Variants in KLHDC4 observed in about 807,000 individuals in gnomAD.
KLHDC4 encodes kelch domain containing 4, also known as kelch domain-containing protein 4.
A neutral mutation model predicts 62.4 loss-of-function variants in KLHDC4; 90 were observed. That is an observed-to-expected ratio of 1.44 (90% confidence interval 1.22 to 1.72). KLHDC4 has a LOEUF of 1.72. Among genes scored for constraint, KLHDC4 ranks in the 40% most tolerant of loss-of-function variants. KLHDC4 has a pLI of 0.00. For missense variants in KLHDC4, 1,025 were observed against 699.7 expected, an observed-to-expected ratio of 1.47 and a Z score of -5.25; for synonymous variants, 386 against 284.4, an observed-to-expected ratio of 1.36 and a Z score of -3.59.
intron 7 of KLHDC4, among the ~76,000 whole-genome samples, chr16:87,723,930 G>A (rs745323791): frequency 2.0e-5 from 3 of 152,138 alleles, no homozygotes; most frequent in Non-Finnish European, 4.4e-5. Flanking sequence ...TCCGCCTCCC[G>A]GGTTCAAGTG....
At chr16:87,765,159 A>C in intron 1 of KLHDC4, 1 of 456,088 alleles carries the variant, frequency 2.2e-6, no homozygotes, top group Non-Finnish European at 4.4e-6. Flanking sequence ...CAGCAGCCGC[A>C]GAACACTCAA....
chr16:87,747,282 T>C (rs759184644), intron 5 of KLHDC4, among the ~76,000 whole-genome samples: 3 of 152,160 alleles, frequency 2.0e-5, no homozygotes, highest in Admixed American at 6.5e-5. Flanking sequence ...CACCTGTCAA[T>C]TGTGAACAAG....
intron 8 of KLHDC4, among the ~76,000 whole-genome samples, chr16:87,711,736 C>G (rs1393226646): frequency 2.0e-5 from 3 of 151,444 alleles, no homozygotes; most frequent in African/African-American, 7.4e-5. Context: ...TGGGCAGAAG[C>G]AGCACACACG....
At chr16:87,749,565 A>AAG (rs2043586724) in intron 4 of KLHDC4, among the ~76,000 whole-genome samples, 1 of 151,796 alleles carries the variant, frequency 6.6e-6, no homozygotes. Flanking sequence ...AAAAAAAAAA[A>AAG]AAAAAAGAAA....
chr16:87,709,477 C>T lies in KLHDC4; in HGVS notation c.1235G>A (p.Arg412Gln), dbSNP rs1041443500. 1.9e-5 allele frequency: 30 copies of T among 1,610,972 alleles called. No individual in the cohort carries two copies. Among genetic ancestry groups the T allele is most frequent in the East Asian group, 1.1e-4 (5 of 44,878 alleles). The change falls in exon 10 of 12, where the codon CGG (arginine) becomes CAG (glutamine). Residue 412 changes from arginine to glutamine, a missense_variant. Physicochemically the swap from Arg to Gln is conservative, Grantham distance 43. Coordinates refer to ENST00000270583, the MANE Select transcript of KLHDC4 (RefSeq NM_017566.4). ...LTAPGSAGQP[R>Q]SEDEDSLEEA... ...CTCAAGGCTGTCTTCGTCCTCAGAC[C>T]GGGGCTGCCCCGCCGAGCCTGGCGC...
intron 5 of KLHDC4, among the ~76,000 whole-genome samples, chr16:87,744,388 C>A (rs1430825189): frequency 6.7e-6 from 1 of 150,286 alleles, no homozygotes; most frequent in Admixed American, 6.7e-5. Context: ...GCACTCCAGC[C>A]TGGGCGACGA....
intron 4 of KLHDC4, among the ~76,000 whole-genome samples, chr16:87,749,976 A>G (rs751758152): frequency 6.6e-6 from 1 of 152,162 alleles, no homozygotes; most frequent in South Asian, 2.1e-4. Context: ...ACGGCAAAGC[A>G]CTCCGGCAGC....
chr16:87,711,001 T>C (rs1253856546), intron 9 of KLHDC4: 4 of 533,068 alleles, frequency 7.5e-6, no homozygotes, highest in Middle Eastern at 5.0e-4. Context: ...CCAGGGCAAC[T>C]GGCTTCTGAG....
At chr16:87,751,240 C>A (rs2043878543) in intron 4 of KLHDC4, among the ~76,000 whole-genome samples, 2 of 152,116 alleles carry the variant, frequency 1.3e-5, no homozygotes, top group African/African-American at 4.8e-5. Context: ...CTTTGGGAGG[C>A]CGAGGGAGGT....
chr16:87,717,183 A>G (rs901589952), intron 7 of KLHDC4, among the ~76,000 whole-genome samples: 1 of 152,124 alleles, frequency 6.6e-6, no homozygotes, highest in Non-Finnish European at 1.5e-5. Flanking sequence ...GTGAGCCAAG[A>G]TCATGCCACT....
chr16:87,700,420 T>G (rs2034079409), exon 1 of KLHDC4: 2 of 156,200 alleles, frequency 1.3e-5, no homozygotes, highest in Admixed American at 6.6e-5. Context: ...GGCCAGGGTC[T>G]GCCTCCAGCC....
At chr16:87,725,599 T>C (rs551621998) in intron 7 of KLHDC4, among the ~76,000 whole-genome samples, 1 of 152,340 alleles carries the variant, frequency 6.6e-6, no homozygotes, top group South Asian at 2.1e-4. Flanking sequence ...AGTGAGATAC[T>C]ACTTCATACC....
In KLHDC4 at chr16:87,708,336, C is replaced by A; in HGVS notation, c.*1+14G>T. The A allele has an allele frequency of 6.4e-7, 1 of 1,552,652 alleles. No homozygotes were observed. The highest frequency in any genetic ancestry group is 1.2e-5 in the South Asian group (1 of 86,650). Reference sequence around the variant, plus strand: ...CCCAGCAGCCGCGCCACCCGCCAGCCCGAGCCCGCTCACCTCAGTCCTCCG... The same window carrying A: ...CCCAGCAGCCGCGCCACCCGCCAGCACGAGCCCGCTCACCTCAGTCCTCCG... On this transcript the variant is annotated intron_variant, in intron 11 of 11. Coordinates refer to ENST00000270583, the MANE Select transcript of KLHDC4 (RefSeq NM_017566.4).
At position 87,726,836 on chromosome 16, in the gene KLHDC4, G is replaced by T; in HGVS notation, c.688C>A (p.Pro230Thr). The T allele has an allele frequency of 1.2e-6, 2 of 1,613,006 alleles. No individual in the cohort carries two copies. The highest frequency in any genetic ancestry group is 1.7e-6 in the Non-Finnish European group (2 of 1,179,596). Residue 230 changes from proline to threonine, a missense_variant, in exon 7 of 12, where the codon CCC (proline) becomes ACC (threonine). Transcript: ENST00000270583. Reference sequence around the variant, plus strand: ...ACGGACATCTGGCAGCCTGATCTGGGTGTGGGCCCCGTCCCTGACGGGGAC... The same window carrying T: ...ACGGACATCTGGCAGCCTGATCTGGTTGTGGGCCCCGTCCCTGACGGGGAC... ...KLSPSGTGPT[P>T]RSGCQMSVTP...
downstream of KLHDC4, among the ~76,000 whole-genome samples, chr16:87,704,696 G>T (rs941379648): frequency 1.3e-5 from 2 of 152,020 alleles, no homozygotes; most frequent in African/African-American, 4.8e-5. Flanking sequence ...ATGACATCCT[G>T]CTTGTACCAA....
At chr16:87,731,543 A>G (rs2040373010) in intron 5 of KLHDC4, among the ~76,000 whole-genome samples, 1 of 152,136 alleles carries the variant, frequency 6.6e-6, no homozygotes, top group Admixed American at 6.6e-5. Flanking sequence ...TGCCAAGTCC[A>G]CAGTGACTTC....
At chr16:87,761,307 T>G (rs572772377) in intron 2 of KLHDC4, among the ~76,000 whole-genome samples, 1 of 152,106 alleles carries the variant, frequency 6.6e-6, no homozygotes. Flanking sequence ...GCCTCATTAA[T>G]GCAAACGCAG....
exon 1 of KLHDC4, chr16:87,702,009 G>C: frequency 2.2e-6 from 1 of 456,324 alleles, no homozygotes. Context: ...CCAGCAGCCA[G>C]GCAGCTCCTT....
rs867186132 is a variant in KLHDC4, at chr16:87,736,300, A to G, written c.507-5656T>C. Among the ~76,000 whole-genome samples the G allele has an allele frequency of 2.6e-5, 4 of 152,364 alleles. No individual in the cohort carries two copies. In the South Asian group the frequency reaches 8.3e-4, roughly 32 times the overall value. ...ACACACAGAAGGGAAGTAAAAACACAGTCTGATCATCTTAGCGGACCACCA... is the reference window on the plus strand; with the variant it reads ...ACACACAGAAGGGAAGTAAAAACACGGTCTGATCATCTTAGCGGACCACCA... On this transcript the variant is annotated intron_variant, in intron 5 of 11. Coordinates refer to ENST00000270583, the MANE Select transcript of KLHDC4 (RefSeq NM_017566.4).
Sources: allele counts gnomAD v4.1 joint callset (sites outside exome capture counted in the v4.1 genomes callset), GRCh38; gene constraint gnomAD v4.1.1; transcripts MANE v1.5; gene names NCBI Gene and HGNC (gene_info 2026-07-23, HGNC 2026-07-21).